The following UBE2D2 variants were observed in gnomAD, a reference collection of about 807,000 sequenced individuals.
UBE2D2 encodes ubiquitin conjugating enzyme E2 D2.
Under a neutral mutation model 24.2 loss-of-function variants are expected in UBE2D2, and 2 were observed. The observed-to-expected ratio is 0.08, with a 90% CI of 0.03 to 0.26. The LOEUF is 0.26. Among genes scored for constraint, UBE2D2 ranks in the 10% least tolerant of loss-of-function variants. UBE2D2 has a pLI of 1.00. For missense variants in UBE2D2, 44 were observed against 177.6 expected, an observed-to-expected ratio of 0.25 and a Z score of 4.28; for synonymous variants, 58 against 56.5, an observed-to-expected ratio of 1.03 and a Z score of -0.12.
At chr5:139,557,658 G>C (rs1383599548), upstream of UBE2D2, among the ~76,000 whole-genome samples, 1 of 151,980 alleles carries the variant, frequency 6.6e-6, no homozygotes, top group African/African-American at 2.4e-5. Flanking sequence ...TAAGGCAGGA[G>C]AATCACTTGA....
In UBE2D2 at chr5:139,567,780, C is replaced by T. The variant is rs187064228; in HGVS notation, c.24+5965C>T. ...AACTCCTGACCTCCAGTGATCCACCCGCCTCGACCTCCCAAAGTGCTGGGA... is the reference window on the plus strand; with the variant it reads ...AACTCCTGACCTCCAGTGATCCACCTGCCTCGACCTCCCAAAGTGCTGGGA... On this transcript the variant is annotated intron_variant, in intron 1 of 6. Transcript: ENST00000398733. Among the ~76,000 whole-genome samples the T allele has an allele frequency of 5.3e-5, 8 of 151,662 alleles. No individual in the cohort carries two copies. The East Asian group carries it at 5.9e-4, about 11-fold the overall frequency.
At chr5:139,591,848 T>G (rs1753851648) in intron 1 of UBE2D2, among the ~76,000 whole-genome samples, 1 of 151,884 alleles carries the variant, frequency 6.6e-6, no homozygotes, top group Non-Finnish European at 1.5e-5. Context: ...AAGATAGGAG[T>G]GAGGCAGGGA....
At chr5:139,567,220 C>G (rs957021111) in intron 1 of UBE2D2, among the ~76,000 whole-genome samples, 1 of 152,006 alleles carries the variant, frequency 6.6e-6, no homozygotes, top group Non-Finnish European at 1.5e-5. Context: ...CTGCGTCAGC[C>G]TCCCGAGCAG....
chr5:139,625,165 C>T (rs1754589279), intron 6 of UBE2D2, among the ~76,000 whole-genome samples: 1 of 135,906 alleles, frequency 7.4e-6, no homozygotes, highest in African/African-American at 2.6e-5. Context: ...TCAAGTGATC[C>T]TCCCACCCCA....
At chr5:139,568,376 C>T (rs1167912217) in intron 1 of UBE2D2, among the ~76,000 whole-genome samples, 3 of 151,306 alleles carry the variant, frequency 2.0e-5, no homozygotes, top group Admixed American at 1.3e-4. Context: ...TACTGTAGGC[C>T]GGGCTGGGCG....
At chr5:139,618,369 C>T (rs2126705477) in intron 5 of UBE2D2, among the ~76,000 whole-genome samples, 1 of 152,292 alleles carries the variant, frequency 6.6e-6, no homozygotes, top group East Asian at 1.9e-4. Flanking sequence ...CAGAGAACCA[C>T]ATTTTTTTAA....
chr5:139,566,252 C>G (rs923548381), intron 1 of UBE2D2, among the ~76,000 whole-genome samples: 2 of 152,058 alleles, frequency 1.3e-5, no homozygotes, highest in African/African-American at 4.8e-5. Flanking sequence ...CTCCTGACGT[C>G]AGGAGATCCG....
chr5:139,595,271 T>C (rs901183104), intron 1 of UBE2D2, among the ~76,000 whole-genome samples: 1 of 152,248 alleles, frequency 6.6e-6, no homozygotes, highest in Non-Finnish European at 1.5e-5. Flanking sequence ...TATTAAATTT[T>C]AAGATTCAAC....
At chr5:139,581,509 C>A (rs189562862) in intron 1 of UBE2D2, among the ~76,000 whole-genome samples, 49 of 151,948 alleles carry the variant, frequency 3.2e-4, no homozygotes, top group Admixed American at 2.0e-3. Context: ...CTAAGTGTTT[C>A]AGATTTTGAA....
chr5:139,527,538 T>C (rs1271408663), intron 1 of UBE2D2, among the ~76,000 whole-genome samples: 1 of 152,190 alleles, frequency 6.6e-6, no homozygotes, highest in East Asian at 1.9e-4. Context: ...TTAGACAGTC[T>C]AGTCAAAACA....
chr5:139,560,710 G>T (rs1388172358), upstream of UBE2D2, among the ~76,000 whole-genome samples: 2 of 152,170 alleles, frequency 1.3e-5, no homozygotes, highest in African/African-American at 2.4e-5. Context: ...GTAACAATTT[G>T]CAATTCACTA....
intron 1 of UBE2D2, among the ~76,000 whole-genome samples, chr5:139,536,051 C>T (rs1353150049): frequency 6.6e-6 from 1 of 151,716 alleles, no homozygotes; most frequent in African/African-American, 2.4e-5. Flanking sequence ...CACCACCACA[C>T]CCGGCTAAGT....
At chr5:139,549,691 G>T (rs111556754) in intron 1 of UBE2D2, among the ~76,000 whole-genome samples, 1 of 152,202 alleles carries the variant, frequency 6.6e-6, no homozygotes, top group Non-Finnish European at 1.5e-5. Context: ...GCTCCGCGGC[G>T]CCCCATCCCA....
At chr5:139,550,389 C>T (rs1478184082) in intron 1 of UBE2D2, among the ~76,000 whole-genome samples, 1 of 152,162 alleles carries the variant, frequency 6.6e-6, no homozygotes, top group Non-Finnish European at 1.5e-5. Context: ...AATCAGCACC[C>T]TGTCAAAACA....
chr5:139,600,105 C>G (rs1477879647), intron 1 of UBE2D2, among the ~76,000 whole-genome samples: 1 of 152,106 alleles, frequency 6.6e-6, no homozygotes, highest in Non-Finnish European at 1.5e-5. Context: ...GCCCATAATA[C>G]ATGACACATG....
chr5:139,558,011 G>C (rs1753004815), upstream of UBE2D2, among the ~76,000 whole-genome samples: 1 of 151,916 alleles, frequency 6.6e-6, no homozygotes, highest in African/African-American at 2.4e-5. Context: ...GAAGTGGGAA[G>C]ATCACTTGAG....
chr5:139,580,378 T>G (rs1753571948), intron 1 of UBE2D2, among the ~76,000 whole-genome samples: 1 of 152,134 alleles, frequency 6.6e-6, no homozygotes, highest in Non-Finnish European at 1.5e-5. Flanking sequence ...CCTATCATTT[T>G]GAATGGCTGA....
At position 139,614,541 on chromosome 5, in the gene UBE2D2, ATGTAGATATTGT is replaced by A. The variant is rs770757643; in HGVS notation, c.89-43_89-32del. 2.5e-6 allele frequency: 4 copies of A among 1,607,240 alleles called. No individual in the cohort carries two copies. In the East Asian group the frequency reaches 8.9e-5, roughly 36 times the overall value. On this transcript the variant is annotated intron_variant, in intron 2 of 6. Transcript: ENST00000398733. ...GATATGTTACTATGGCGTAGATACA[ATGTAGATATTGT>A]TACATGGTGACTTTTTTCTTGTTAT... is the stretch of plus-strand genomic sequence containing the variant.
At chr5:139,555,913 A>G (rs559977581) in intron 1 of UBE2D2, among the ~76,000 whole-genome samples, 170 of 125,626 alleles carry the variant, frequency 1.4e-3, no homozygotes, top group African/African-American at 4.9e-3. Flanking sequence ...TGACAAAGGA[A>G]GACTCCATCT....
Sources: allele counts gnomAD v4.1 joint callset (sites outside exome capture counted in the v4.1 genomes callset), GRCh38; gene constraint gnomAD v4.1.1; transcripts MANE v1.5; gene names NCBI Gene and HGNC (gene_info 2026-07-23, HGNC 2026-07-21).